CAMTA1: variants seen among roughly 807,000 people sequenced by gnomAD.
CAMTA1 encodes calmodulin-binding transcription activator 1.
In CAMTA1, 27 loss-of-function variants were observed where a neutral mutation model predicts 170.9. That is an observed-to-expected ratio of 0.16 (90% CI 0.12 to 0.22). The LOEUF (loss-of-function observed/expected upper bound fraction) is 0.22, where lower values mean the gene tolerates loss of function less well. CAMTA1 is among the 10% of genes least tolerant of loss of function. The pLI, the probability that CAMTA1 is intolerant of heterozygous loss-of-function variation, is 1.00. For synonymous variants in CAMTA1, 833 were observed against 891.5 expected (o/e 0.93, Z 1.17); for missense variants, 1,619 against 2,217.2 (o/e 0.73, Z 5.42).
In CAMTA1 at chr1:7,609,889, C is replaced by G. The variant is rs1036394648; in HGVS notation, c.511-30511C>G. On this transcript the variant is annotated intron_variant, in intron 6 of 22. Coordinates refer to ENST00000303635, the MANE Select transcript of CAMTA1 (RefSeq NM_015215.4). The surrounding 1 kb of genome is among the most constrained non-coding windows in gnomAD (Gnocchi z 4.4). ...GAAGCTCGGATTATTATGTACTGCT[C>G]TTACTTCACCTCTCCTGGTCTTCAT... Among the ~76,000 whole-genome samples the G allele has an allele frequency of 9.2e-5, 14 of 152,194 alleles. No homozygotes were observed. Among genetic ancestry groups the G allele is most frequent in the African/African-American group, 3.4e-4 (14 of 41,456 alleles).
At chr1:7,323,993 G>A (rs570231750) in intron 5 of CAMTA1, among the ~76,000 whole-genome samples, 1 of 152,248 alleles carries the variant, frequency 6.6e-6, no homozygotes, top group South Asian at 2.1e-4. Context: ...TGCCCTATAT[G>A]TTTGGTCAGA....
In CAMTA1 at chr1:7,455,220, G is replaced by A. The variant is rs751297452; in HGVS notation, c.439-12610G>A. ...CCTGCTTCTCTAGTGCAGGAGCCGC[G>A]GCTCGGCATGGTTCTGCGTGTGTGT... On this transcript the variant is annotated intron_variant, in intron 5 of 22. Transcript: ENST00000303635. The surrounding 1 kb of genome is among the most constrained non-coding windows in gnomAD (Gnocchi z 5.0). Among the ~76,000 whole-genome samples, 3 of 152,192 alleles carry A rather than the reference G, an allele frequency of 2.0e-5. No individual in the cohort carries two copies. Among genetic ancestry groups the A allele is most frequent in the East Asian group, 3.9e-4 (2 of 5,188 alleles).
rs192063277 is a variant in CAMTA1 at position 7,493,497 on chromosome 1, C to T, written c.510+25596C>T. ...TATAAACAGGCGTGCACACACATAA[C>T]CATACAAACACACACACGCGCAGGG... On this transcript the variant is annotated intron_variant, in intron 6 of 22. Transcript: ENST00000303635. 4.2e-3 allele frequency among the ~76,000 whole-genome samples: 635 copies of T among 151,888 alleles called. 7 individuals carry two copies. The highest frequency in any genetic ancestry group is 6.7e-3 in the Non-Finnish European group (454 of 67,930).
chr1:7,542,430 T>G (rs1000001628), intron 6 of CAMTA1, among the ~76,000 whole-genome samples: 5 of 151,868 alleles, frequency 3.3e-5, no homozygotes, highest in African/African-American at 1.2e-4. Flanking sequence ...TATTTTTTTG[T>G]TTTTTTTGTT....
Position 7,664,356 on chromosome 1 carries a change from C to A in CAMTA1, c.1809C>A (p.Gly603=). The A allele has an allele frequency of 6.2e-7, 1 of 1,613,688 alleles. No homozygotes were observed. The highest frequency in any genetic ancestry group is 1.1e-5 in the South Asian group (1 of 91,090). Reference sequence around the variant, plus strand: ...ACACGTCCAGCTTCAGCCAGACGGGCCACAGCCCCCACATCCACCAGACCC... The same window carrying A: ...ACACGTCCAGCTTCAGCCAGACGGGACACAGCCCCCACATCCACCAGACCC... ...KDYTSSFSQT[G]HSPHIHQTPS... Residue 603 remains glycine (G), a synonymous_variant, in exon 9 of 23, where the codon GGC becomes GGA. Transcript: ENST00000303635.
intron 4 of CAMTA1, among the ~76,000 whole-genome samples, chr1:7,139,425 C>T (rs1645763264): frequency 6.6e-6 from 1 of 151,154 alleles, no homozygotes; most frequent in Non-Finnish European, 1.5e-5. Flanking sequence ...TCAGAAAACC[C>T]TCTCCGAGGC....
intron 5 of CAMTA1, among the ~76,000 whole-genome samples, chr1:7,309,419 C>A (rs977266436): frequency 6.6e-6 from 1 of 150,698 alleles, no homozygotes; most frequent in Non-Finnish European, 1.5e-5. Flanking sequence ...CGTGCCTCAG[C>A]CTCCCAAGTA....
At chr1:7,110,795 C>T (rs115583680) in intron 4 of CAMTA1, among the ~76,000 whole-genome samples, 4,173 of 152,320 alleles carry the variant, frequency 0.027, 77 homozygotes, top group Non-Finnish European at 0.04. Context: ...GCCCCCAGGG[C>T]CTCCCAGTTT....
chr1:6,926,982 T>TGGTCTCCCAAAGTGCTA (rs1014176098), intron 3 of CAMTA1, among the ~76,000 whole-genome samples: 1 of 152,042 alleles, frequency 6.6e-6, no homozygotes, highest in African/African-American at 2.4e-5. Context: ...CCTCCTGCTT[T>TGGTCTCCCAAAGTGCTA]GGTCTCCCAA....
At chr1:7,676,908 A>G (rs2096126506) in intron 10 of CAMTA1, among the ~76,000 whole-genome samples, 2 of 152,340 alleles carry the variant, frequency 1.3e-5, no homozygotes, top group South Asian at 4.2e-4. Context: ...TTATTCCACA[A>G]ATAGAGTTAT....
rs918859204 is a variant in CAMTA1, at chr1:7,736,615, C to T, written c.3263+75C>T. Reference sequence around the variant, plus strand: ...CACATTCTTCCTGAGCACTGCCACCCGTGGAAGAAATCTACCCATTCAGTC... The same window carrying T: ...CACATTCTTCCTGAGCACTGCCACCTGTGGAAGAAATCTACCCATTCAGTC... On this transcript the variant is annotated intron_variant, in intron 13 of 22. Coordinates refer to ENST00000303635, the MANE Select transcript of CAMTA1 (RefSeq NM_015215.4). This position sits in a 1 kb window ranked among gnomAD's most constrained non-coding sequence, Gnocchi z 4.5. 8 of 1,428,034 alleles carry T rather than the reference C, an allele frequency of 5.6e-6. No homozygotes were observed. The highest frequency in any genetic ancestry group is 7.9e-6 in the Non-Finnish European group (8 of 1,018,796). The allele number at this position is 1,428,034 out of a possible 1,614,324, so 88.5% of individuals were successfully genotyped here. A position where few individuals can be genotyped will look rare whatever the true frequency, so the allele number is the denominator to read the frequency against.
At chr1:7,241,879 C>G (rs1166263151) in intron 4 of CAMTA1, among the ~76,000 whole-genome samples, 2 of 152,082 alleles carry the variant, frequency 1.3e-5, no homozygotes, top group Non-Finnish European at 2.9e-5. Flanking sequence ...TGTTTATTAC[C>G]TTGGGTTCGG....
Position 7,456,372 on chromosome 1 carries a change from A to C in CAMTA1, c.439-11458A>C, listed in dbSNP as rs1339886820. On this transcript the variant is annotated intron_variant, in intron 5 of 22. Transcript: ENST00000303635. This position sits in a 1 kb window ranked among gnomAD's most constrained non-coding sequence, Gnocchi z 4.9. ...TGGAGACCAGCTCTAGCCACTTGGCAGGGCTCCAAGAAATAGGTCTCAGCG... is the reference window on the plus strand; with the variant it reads ...TGGAGACCAGCTCTAGCCACTTGGCCGGGCTCCAAGAAATAGGTCTCAGCG... 1.3e-5 allele frequency among the ~76,000 whole-genome samples: 2 copies of C among 152,242 alleles called. No homozygotes were observed. Among genetic ancestry groups the C allele is most frequent in the Non-Finnish European group, 2.9e-5 (2 of 68,038 alleles).
At chr1:7,421,522 C>T (rs888428509) in intron 5 of CAMTA1, among the ~76,000 whole-genome samples, 1 of 152,142 alleles carries the variant, frequency 6.6e-6, no homozygotes, top group African/African-American at 2.4e-5. Flanking sequence ...TGCTGGATTG[C>T]TCTGGGACTT....
At chr1:7,371,983 C>A (rs1323147679) in intron 5 of CAMTA1, among the ~76,000 whole-genome samples, 2 of 152,182 alleles carry the variant, frequency 1.3e-5, no homozygotes, top group African/African-American at 4.8e-5. Context: ...CTCCTGGAGT[C>A]CAGACCCAGC....
intron 4 of CAMTA1, among the ~76,000 whole-genome samples, chr1:7,126,378 C>T (rs1001182609): frequency 2.0e-5 from 3 of 152,194 alleles, no homozygotes; most frequent in Non-Finnish European, 1.5e-5. Flanking sequence ...AAGCCTCTTT[C>T]CAGGCAGCTA....
chr1:7,380,056 G>A (rs2087163659), intron 5 of CAMTA1, among the ~76,000 whole-genome samples: 1 of 152,170 alleles, frequency 6.6e-6, no homozygotes, highest in South Asian at 2.1e-4. Flanking sequence ...GGGTCTGCAG[G>A]AACATTGCTA....
intron 11 of CAMTA1, among the ~76,000 whole-genome samples, chr1:7,705,027 C>T (rs1257367355): frequency 9.2e-5 from 13 of 141,438 alleles, no homozygotes; most frequent in African/African-American, 3.4e-4. Context: ...GGGCGTGGTG[C>T]GCGGCCACGC....
At chr1:7,670,503 T>C (rs1037041898) in intron 9 of CAMTA1, among the ~76,000 whole-genome samples, 1 of 152,206 alleles carries the variant, frequency 6.6e-6, no homozygotes, top group African/African-American at 2.4e-5. Context: ...TCCCTCAGTC[T>C]GTCCACAAGT....
Sources: allele counts gnomAD v4.1 joint callset (sites outside exome capture counted in the v4.1 genomes callset), GRCh38; gene constraint gnomAD v4.1.1; non-coding constraint Gnocchi (gnomAD v3.1); transcripts MANE v1.5; gene names NCBI Gene and HGNC (gene_info 2026-07-23, HGNC 2026-07-21).